Variants in MZB1 observed in about 807,000 individuals in gnomAD.
MZB1 encodes the protein marginal zone B- and B1-cell-specific protein.
Under a neutral mutation model 17.2 loss-of-function variants are expected in MZB1, and 10 were observed. The ratio of observed to expected loss-of-function variants is 0.58; its 90% CI spans 0.36 to 0.98. The LOEUF (loss-of-function observed/expected upper bound fraction) is 0.98. Ranked by LOEUF, MZB1 falls within the 50% of genes least tolerant of loss-of-function variation. The pLI, the probability that MZB1 is intolerant of heterozygous loss-of-function variation, is 0.01. For synonymous variants in MZB1, 99 were observed against 98.7 expected, an observed-to-expected ratio of 1.00 and a Z score of -0.02; for missense variants, 246 against 237.5, an observed-to-expected ratio of 1.04 and a Z score of -0.23.
At chr5:139,388,240 G>A in intron 2 of MZB1, 109 bp from the exon 3 acceptor site, 2 of 1,203,238 alleles carry the variant, frequency 1.7e-6, no homozygotes, top group Non-Finnish European at 2.3e-6. Flanking sequence ...AATTCAGAGA[G>A]GGAAAGCCCC....
chr5:139,388,795 T>A, intron 1 of MZB1: 1 of 750,834 alleles, frequency 1.3e-6, no homozygotes, highest in Non-Finnish European at 2.0e-6. Context: ...AATGCTGAAG[T>A]GGTAGGTGAG....
intron 1 of MZB1, 54 bp from the exon 2 acceptor site, chr5:139,388,639 G>A (rs1373808597): frequency 4.4e-6 from 7 of 1,584,074 alleles, no homozygotes; most frequent in Non-Finnish European, 6.0e-6. Flanking sequence ...CTCAGTTAGG[G>A]GGAGGTGGGG....
chr5:139,389,689 C>T lies in MZB1; in HGVS notation c.168G>A (p.Val56=). The part of the protein sequence containing the change: ...AHLRCDACRA[V]AYQMWQNLAK... ...GTGGTGAAGGACTCACCTGGTAAGC[C>T]ACAGCTCTGCAGGCATCACAGCGCA... Residue 56 remains valine (V), a synonymous_variant, in exon 1 of 4, where the codon GTG becomes GTA. Coordinates refer to ENST00000302125, the MANE Select transcript of MZB1 (RefSeq NM_016459.4). 2 of 1,588,390 alleles carry T rather than the reference C, an allele frequency of 1.3e-6. No homozygotes were observed. The highest frequency in any genetic ancestry group is 8.6e-7 in the Non-Finnish European group (1 of 1,167,700).
chr5:139,388,441 G>A lies in MZB1; in HGVS notation c.302+20C>T. 6.3e-7 allele frequency: 1 copy of A among 1,596,528 alleles called. No homozygotes were observed. The highest frequency in any genetic ancestry group is 1.7e-4 in the Middle Eastern group (1 of 5,808). On this transcript the variant is annotated intron_variant, in intron 2 of 3. Transcript: ENST00000302125. ...CCTGCCCTTGGAGGAGGGAGGTGGG[G>A]GGCAGGATTGGCAACTCACTCCTGC...
chr5:139,388,320 C>T (rs1288035808), intron 2 of MZB1, 141 bp downstream of exon 2: 4 of 1,139,012 alleles, frequency 3.5e-6, no homozygotes, highest in East Asian at 2.6e-5. Flanking sequence ...GCTCCAGAGC[C>T]CAGACTTCAT....
chr5:139,389,817 C>A lies in MZB1; in HGVS notation c.40G>T (p.Ala14Ser). 2 of 1,549,990 alleles carry A rather than the reference C, an allele frequency of 1.3e-6. No homozygotes were observed. Among genetic ancestry groups the A allele is most frequent in the Non-Finnish European group, 1.7e-6 (2 of 1,147,052 alleles). The change falls in exon 1 of 4, where the codon GCC (alanine) becomes TCC (serine). Residue 14 changes from alanine (A) to serine (S), a missense_variant. Transcript: ENST00000302125. ...CCGAGGCCCCCTGGGATGGCCCAGG[C>A]TCCCAGCAGCAGCAGCAGCAGTGGC... ...SLPLLLLLLG[A>S]WAIPGGLGDR...
Position 139,389,838 on chromosome 5 carries a change from G to C in MZB1, c.19C>G (p.Leu7Val). 1 of 1,547,344 alleles carries C rather than the reference G, an allele frequency of 6.5e-7. No individual in the cohort carries two copies. Among genetic ancestry groups the C allele is most frequent in the Non-Finnish European group, 8.7e-7 (1 of 1,146,934 alleles). Residue 7 changes from leucine (L) to valine (V), a missense_variant, in exon 1 of 4, where the codon CTG becomes GTG. Physicochemically the swap from Leu to Val is conservative, Grantham distance 32. Transcript: ENST00000302125. ...CAGGCTCCCAGCAGCAGCAGCAGCA[G>C]TGGCAGTGACAGCCTCATGGCCCCA... MRLSLP[L>V]LLLLLGAWAI...
chr5:139,389,524 C>T, intron 1 of MZB1, 156 bp downstream of exon 1: 2 of 951,816 alleles, frequency 2.1e-6, no homozygotes, highest in Non-Finnish European at 3.2e-6. Context: ...GATGGGTAAA[C>T]TGAGGCATGG....
At position 139,387,975 on chromosome 5, in the gene MZB1, C is replaced by A. The variant is rs889079946; in HGVS notation, c.413+46G>T. 9 of 1,577,058 alleles carry A rather than the reference C, an allele frequency of 5.7e-6. No individual in the cohort carries two copies. In the Middle Eastern group the frequency reaches 1.0e-3, roughly 178 times the overall value. On this transcript the variant is annotated intron_variant, in intron 3 of 3. Coordinates refer to ENST00000302125, the MANE Select transcript of MZB1 (RefSeq NM_016459.4). ...GCTGCCCAGCCCACAGTGGGGCAAA[C>A]CAAGGCTCCAGGAGCTTCATCCTAT...
chr5:139,387,818 C>G lies in MZB1; in HGVS notation c.517G>C (p.Gly173Arg). ...RGALEALLCG[G>R]PQGACSEKVS... is the part of the protein sequence containing the mutation. ...TTCTCTGAGCAGGCCCCCTGGGGTC[C>G]CCCACATAGCAATGCCTCCAGAGCC... The change falls in exon 4 of 4, where the codon GGA (glycine) becomes CGA (arginine). Residue 173 changes from glycine to arginine, a missense_variant. Coordinates refer to ENST00000302125, the MANE Select transcript of MZB1 (RefSeq NM_016459.4). The G allele has an allele frequency of 6.3e-7, 1 of 1,591,914 alleles. No homozygotes were observed. Among genetic ancestry groups the G allele is most frequent in the East Asian group, 2.2e-5 (1 of 44,636 alleles).
At position 139,387,859 on chromosome 5, in the gene MZB1, T is replaced by C. The variant is rs751877192; in HGVS notation, c.476A>G (p.His159Arg). The C allele has an allele frequency of 4.2e-5, 68 of 1,606,736 alleles. 1 individual carries two copies. In the South Asian group the frequency reaches 4.9e-4, roughly 12 times the overall value. The change falls in exon 4 of 4, where the codon CAC becomes CGC. Residue 159 changes from histidine (H) to arginine (R), a missense_variant. Transcript: ENST00000302125. ...CTCCAGAGCCCCTCGGCCTTGTTGG[T>C]GGGCTTCATAGATCTGGTCTTCTCC... is the stretch of plus-strand genomic sequence containing the variant. The part of the protein sequence containing the change: ...EFGEDQIYEA[H>R]QQGRGALEAL...
Position 139,387,704 on chromosome 5 carries a change from A to G in MZB1, c.*61T>C. ...TTCCTGCCCTCCTGGCTGCCTGCAG[A>G]CGGGAGTGGAGACCGTCAGAGCAAG... On this transcript the variant is annotated 3_prime_UTR_variant, in exon 4 of 4. Transcript: ENST00000302125. The G allele has an allele frequency of 1.4e-6, 2 of 1,467,298 alleles. No individual in the cohort carries two copies. The highest frequency in any genetic ancestry group is 2.5e-5 in the East Asian group (1 of 39,918). 90.9% of individuals were successfully genotyped at this position (1,467,298 alleles called of 1,614,324 possible).
Position 139,388,109 on chromosome 5 carries a change from G to T in MZB1, c.325C>A (p.Gln109Lys). The T allele has an allele frequency of 6.4e-7, 1 of 1,551,420 alleles. No individual in the cohort carries two copies. Among genetic ancestry groups the T allele is most frequent in the South Asian group, 1.2e-5 (1 of 84,076 alleles). ...CCTGGGCCTGTGAGACGTTTCACTT[G>T]GTCCACTTCTCGAACTCCGTAGCTG... is the stretch of plus-strand genomic sequence containing the variant. ...WQDYGVREVD[Q>K]VKRLTGPGLS... Residue 109 changes from glutamine to lysine, a missense_variant, in exon 3 of 4, where the codon CAA becomes AAA. Physicochemically the swap from Gln to Lys is moderately conservative, Grantham distance 53 (BLOSUM62 1). Coordinates refer to ENST00000302125, the MANE Select transcript of MZB1 (RefSeq NM_016459.4).
intron 1 of MZB1, 128 bp from the exon 2 acceptor site, chr5:139,388,713 C>T (rs1758555983): frequency 2.1e-6 from 3 of 1,439,430 alleles, no homozygotes; most frequent in Non-Finnish European, 2.8e-6. Flanking sequence ...CAGGAAGCAC[C>T]TGTGAGGCTG....
Position 139,387,908 on chromosome 5 carries a change from A to G in MZB1, c.427T>C (p.Cys143Arg). The change falls in exon 4 of 4, where the codon TGT (cysteine) becomes CGT (arginine). Residue 143 changes from cysteine to arginine, a missense_variant. Coordinates refer to ENST00000302125, the MANE Select transcript of MZB1 (RefSeq NM_016459.4). ...GPWPTRLSRT[C>R]LHYLGEFGED... is the part of the protein sequence containing the mutation. ...CCAAACTCCCCCAAGTAGTGCAAAC[A>G]TGTCCTGGAGAGCCTAGGGGAGCCC... 1 of 1,585,724 alleles carries G rather than the reference A, an allele frequency of 6.3e-7. No homozygotes were observed. Among genetic ancestry groups the G allele is most frequent in the South Asian group, 1.2e-5 (1 of 86,280 alleles).
intron 2 of MZB1, 119 bp from the exon 3 acceptor site, chr5:139,388,250 C>A: frequency 1.7e-6 from 2 of 1,153,118 alleles, no homozygotes. Flanking sequence ...GGGAAAGCCC[C>A]TGGCCCAAGG....
chr5:139,388,618 C>T, intron 1 of MZB1, 33 bp from the exon 2 acceptor site: 4 of 1,598,858 alleles, frequency 2.5e-6, no homozygotes, highest in Non-Finnish European at 3.4e-6. Flanking sequence ...GGCAGGGCCT[C>T]AGGACTGCTG....
Position 139,387,809 on chromosome 5 carries a change from C to A in MZB1, c.526G>T (p.Gly176Trp). The change falls in exon 4 of 4, where the codon GGG (glycine) becomes TGG (tryptophan). Residue 176 changes from glycine to tryptophan, a missense_variant. Coordinates refer to ENST00000302125, the MANE Select transcript of MZB1 (RefSeq NM_016459.4). ...LEALLCGGPQ[G>W]ACSEKVSATR... Reference sequence around the variant, plus strand: ...GCTGACACCTTCTCTGAGCAGGCCCCCTGGGGTCCCCCACATAGCAATGCC... The same window carrying A: ...GCTGACACCTTCTCTGAGCAGGCCCACTGGGGTCCCCCACATAGCAATGCC... 1 of 1,582,064 alleles carries A rather than the reference C, an allele frequency of 6.3e-7. No individual in the cohort carries two copies. The highest frequency in any genetic ancestry group is 1.7e-4 in the Middle Eastern group (1 of 5,870).
chr5:139,388,188 G>T, intron 2 of MZB1, 57 bp from the exon 3 acceptor site: 1 of 1,458,940 alleles, frequency 6.9e-7, no homozygotes, highest in South Asian at 1.3e-5. Context: ...GCCAGGGAGA[G>T]ACCCATCTCC....
Sources: gnomAD v4.1 joint callset for allele counts on GRCh38, gnomAD v4.1.1 for gene constraint, MANE v1.5 for transcripts, NCBI Gene and HGNC (gene_info 2026-07-23, HGNC 2026-07-21) for gene names.